The following GET3 variants were observed in gnomAD, a reference collection of about 807,000 sequenced individuals.
The protein encoded by GET3 is guided entry of tail-anchored proteins factor 3, ATPase.
GET3 carries 15 observed loss-of-function variants against 32.4 expected under a neutral mutation model. The observed-to-expected ratio is 0.46, with a 90% CI of 0.31 to 0.71. The LOEUF is 0.71. Among genes scored for constraint, GET3 ranks in the 30% least tolerant of loss-of-function variants. The pLI, the probability that GET3 is intolerant of heterozygous loss-of-function variation, is 0.05. For missense variants in GET3, 333 were observed against 459.0 expected, an observed-to-expected ratio of 0.73 and a Z score of 2.51; for synonymous variants, 198 against 185.6, an observed-to-expected ratio of 1.07 and a Z score of -0.54.
chr19:12,737,565 T>G lies in GET3; in HGVS notation c.60T>G (p.Asp20Glu). The part of the protein sequence containing the change: ...VEAEEFEDAP[D>E]VEPLEPTLSN... ...CAGAGGAGTTCGAAGATGCTCCTGA[T>G]GTGGAGCCGCTGGAGCCTACACTTA... Residue 20 changes from aspartate (D) to glutamate (E), a missense_variant, in exon 1 of 7, where the codon GAT (aspartate) becomes GAG (glutamate). Asp to Glu is a conservative substitution (Grantham distance 45). Transcript: ENST00000357332. 1.2e-6 allele frequency: 2 copies of G among 1,610,016 alleles called. No individual in the cohort carries two copies. The highest frequency in any genetic ancestry group is 1.7e-6 in the Non-Finnish European group (2 of 1,178,550).
At chr19:12,744,027 G>A (rs1287787198) in intron 2 of GET3, among the ~76,000 whole-genome samples, 8 of 140,514 alleles carry the variant, frequency 5.7e-5, no homozygotes, top group African/African-American at 1.3e-4. Context: ...CACCACGCCC[G>A]GCCAAGACTC....
intron 2 of GET3, among the ~76,000 whole-genome samples, chr19:12,742,113 A>T (rs1419175523): frequency 6.6e-6 from 1 of 152,140 alleles, no homozygotes; most frequent in Non-Finnish European, 1.5e-5. Context: ...AAAAACAAAC[A>T]AAATTAGCTG....
chr19:12,746,476 T>G (rs1005093013), intron 4 of GET3, among the ~76,000 whole-genome samples: 1 of 152,196 alleles, frequency 6.6e-6, no homozygotes, highest in African/African-American at 2.4e-5. Context: ...GCCCCCACAG[T>G]GCTGCACACC....
chr19:12,745,811 T>C lies in GET3; in HGVS notation c.609+52T>C, dbSNP rs187629748. 2.2e-4 allele frequency: 335 copies of C among 1,549,358 alleles called. 2 individuals carry two copies. In the East Asian group the frequency reaches 7.2e-3, roughly 33 times the overall value. ...CCATCCAGGCAGCCGGGAGTGGGAG[T>C]AGGCCCGGGCCCCCAGACCCTCAAA... On this transcript the variant is annotated intron_variant, in intron 4 of 6. Coordinates refer to ENST00000357332, the MANE Select transcript of GET3 (RefSeq NM_004317.4). The surrounding 1 kb of genome is among the most constrained non-coding windows in gnomAD (Gnocchi z 5.0).
At chr19:12,739,222 C>T (rs959744168) in intron 2 of GET3, among the ~76,000 whole-genome samples, 8 of 151,704 alleles carry the variant, frequency 5.3e-5, no homozygotes, top group Non-Finnish European at 7.4e-5. Flanking sequence ...GGCTGGAGTG[C>T]AGTAACCCGA....
chr19:12,748,093 A>G lies in GET3; in HGVS notation c.1036A>G (p.Ser346Gly). 1 of 1,595,556 alleles carries G rather than the reference A, an allele frequency of 6.3e-7. No homozygotes were observed. The stretch of plus-strand genomic sequence containing the variant: ...CCTCCTGGAGCCCTACAAGCCCCCC[A>G]GTGCCCAGTAGCACAGCTGCCAGCC... ...ALLLEPYKPP[S>G]AQ The change falls in exon 7 of 7, where the codon AGT becomes GGT. Residue 346 changes from serine to glycine, a missense_variant. Ser to Gly is a moderately conservative substitution (Grantham distance 56). Around this residue, in one of 3 missense-constraint regions of GET3, gnomAD observed 39 missense variants for 33.0 expected, o/e 1.18. Coordinates refer to ENST00000357332, the MANE Select transcript of GET3 (RefSeq NM_004317.4).
In GET3 at chr19:12,745,669, C is replaced by T. The variant is rs780581387; in HGVS notation, c.519C>T (p.Thr173=). Residue 173 remains threonine, a synonymous_variant, in exon 4 of 7, where the codon ACC becomes ACT. Coordinates refer to ENST00000357332, the MANE Select transcript of GET3 (RefSeq NM_004317.4). The surrounding 1 kb of genome is among the most constrained non-coding windows in gnomAD (Gnocchi z 5.0). ...TTGACACGGCACCCACGGGCCACAC[C>T]CTGAGGCTGCTCAACTTCCCCACCA... The part of the protein sequence containing the change: ...VVFDTAPTGH[T]LRLLNFPTIV... 7.4e-6 allele frequency: 12 copies of T among 1,612,928 alleles called. No individual in the cohort carries two copies. Among genetic ancestry groups the T allele is most frequent in the Admixed American group, 1.7e-5 (1 of 59,994 alleles).
chr19:12,743,069 A>C (rs1599450075), intron 2 of GET3, among the ~76,000 whole-genome samples: 1 of 152,330 alleles, frequency 6.6e-6, no homozygotes, highest in Middle Eastern at 3.4e-3. Flanking sequence ...AAGAGGGTGC[A>C]GTGATGAGTG....
At chr19:12,737,465 C>T (rs199891623), upstream of GET3, 21 of 1,443,896 alleles carry the variant, frequency 1.5e-5, no homozygotes, top group Middle Eastern at 7.3e-4. Context: ...GTAGGTTCTT[C>T]GTATGGTGCG....
intron 2 of GET3, among the ~76,000 whole-genome samples, chr19:12,741,412 C>T (rs985790924): frequency 2.0e-5 from 3 of 148,474 alleles, no homozygotes; most frequent in African/African-American, 2.5e-5. Flanking sequence ...GCCTAGATCG[C>T]GCCACTGCAC....
At chr19:12,739,806 A>G (rs1967632544) in intron 2 of GET3, among the ~76,000 whole-genome samples, 1 of 151,392 alleles carries the variant, frequency 6.6e-6, no homozygotes, top group Non-Finnish European at 1.5e-5. Flanking sequence ...CACTTTGAGA[A>G]GCCAAGGTGG....
At chr19:12,746,074 CCT>C (rs1230347481) in intron 4 of GET3, among the ~76,000 whole-genome samples, 1 of 152,194 alleles carries the variant, frequency 6.6e-6, no homozygotes, top group Non-Finnish European at 1.5e-5. Flanking sequence ...AATCACTTCA[CCT>C]CTCTGGGCCT....
chr19:12,746,132 GTTATTA>G (rs368781482), intron 4 of GET3, among the ~76,000 whole-genome samples: 2 of 151,918 alleles, frequency 1.3e-5, no homozygotes, highest in African/African-American at 2.4e-5. Flanking sequence ...TGCCCCATGG[GTTATTA>G]TTATTATTAT....
rs572797337 is a variant in GET3 at position 12,747,124 on chromosome 19, G to A, written c.610-73G>A. ...TGGGAGGTATCAGGAGTCATCCCTC[G>A]GGTGTTTAGTGAACCCCCAACCCAG... On this transcript the variant is annotated intron_variant, in intron 4 of 6. Transcript: ENST00000357332. The surrounding 1 kb of genome is among the most constrained non-coding windows in gnomAD (Gnocchi z 4.0). 1.6e-4 allele frequency: 209 copies of A among 1,295,560 alleles called. 1 individual carries two copies. Among genetic ancestry groups the A allele is most frequent in the South Asian group, 4.4e-4 (31 of 70,930 alleles). 80.3% of individuals were successfully genotyped at this position (1,295,560 alleles called of 1,614,324 possible).
Position 12,747,829 on chromosome 19 carries a change from C to A in GET3, c.916-144C>A, listed in dbSNP as rs1967803086. ...ATCTCTGACCATAGTGATGCAGCTC[C>A]CACTTATGACACCTTAAGCTCCTGC... is the stretch of plus-strand genomic sequence containing the variant. On this transcript the variant is annotated intron_variant, in intron 6 of 6. Transcript: ENST00000357332. This position sits in a 1 kb window ranked among gnomAD's most constrained non-coding sequence, Gnocchi z 4.0. The A allele has an allele frequency of 2.0e-6, 2 of 1,024,848 alleles. No homozygotes were observed. The highest frequency in any genetic ancestry group is 2.9e-6 in the Non-Finnish European group (2 of 696,318). The allele number at this position is 1,024,848 out of a possible 1,614,324, so 63.5% of individuals were successfully genotyped here.
intron 1 of GET3, 77 bp from the exon 2 acceptor site, chr19:12,738,434 C>T (rs1205603469): frequency 1.9e-6 from 3 of 1,573,706 alleles, no homozygotes; most frequent in Middle Eastern, 4.3e-4. Flanking sequence ...CTCCAGGGAA[C>T]CTACCACTCC....
In GET3 at chr19:12,747,404, A is replaced by C; in HGVS notation, c.727A>C (p.Thr243Pro). The change falls in exon 6 of 7, where the codon ACT becomes CCT. Residue 243 changes from threonine (T) to proline (P), a missense_variant. This residue lies in a region of GET3 where 230 missense variants were observed against 389.2 expected (regional missense o/e 0.59). Coordinates refer to ENST00000357332, the MANE Select transcript of GET3 (RefSeq NM_004317.4). This position sits in a 1 kb window ranked among gnomAD's most constrained non-coding sequence, Gnocchi z 4.0. ...CTCTCGTGCCCTGTAGGAGCAGACA[A>C]CTTTCATCTGCGTATGCATTGCTGA... ...SEQFKDPEQT[T>P]FICVCIAEFL... The C allele has an allele frequency of 1.9e-6, 3 of 1,614,090 alleles. No homozygotes were observed. Among genetic ancestry groups the C allele is most frequent in the Non-Finnish European group, 2.5e-6 (3 of 1,179,992 alleles).
chr19:12,737,678 G>A lies in GET3; in HGVS notation c.161+12G>A. On this transcript the variant is annotated intron_variant, in intron 1 of 6. Transcript: ENST00000357332. ...AAGACCACCTGCAGGTAAGGAGGCT[G>A]CGGCGGGGGCCAGGAGGCGTGTAGG... 1.2e-6 allele frequency: 2 copies of A among 1,603,756 alleles called. No homozygotes were observed. Among genetic ancestry groups the A allele is most frequent in the Non-Finnish European group, 1.7e-6 (2 of 1,177,302 alleles).
intron 2 of GET3, among the ~76,000 whole-genome samples, chr19:12,743,222 A>G (rs1478836515): frequency 6.6e-6 from 1 of 152,186 alleles, no homozygotes; most frequent in Non-Finnish European, 1.5e-5. Context: ...TCATACCTGT[A>G]ATCCCAGCAT....
Sources: allele counts gnomAD v4.1 joint callset (sites outside exome capture counted in the v4.1 genomes callset), GRCh38; gene constraint gnomAD v4.1.1; regional missense constraint gnomAD v4.1.1; non-coding constraint Gnocchi (gnomAD v3.1); transcripts MANE v1.5; gene names NCBI Gene and HGNC (gene_info 2026-07-23, HGNC 2026-07-21).